IGSF21: variants seen among roughly 807,000 people sequenced by gnomAD.
The protein encoded by IGSF21 is immunoglobulin superfamily member 21.
In IGSF21, 28 loss-of-function variants were observed where a neutral mutation model predicts 46.8. The ratio of observed to expected loss-of-function variants is 0.60; its 90% confidence interval spans 0.44 to 0.82. The LOEUF (loss-of-function observed/expected upper bound fraction) is 0.82, where lower values mean the gene tolerates loss of function less well. IGSF21 is among the 40% of genes least tolerant of loss of function. The probability of loss-of-function intolerance (pLI) is 0.00; values close to 1 mark genes in which losing one functional copy is unlikely to be tolerated. For synonymous variants in IGSF21, 284 were observed against 273.6 expected (o/e 1.04, Z -0.38); for missense variants, 624 against 665.5 (o/e 0.94, Z 0.69).
intron 2 of IGSF21, among the ~76,000 whole-genome samples, chr1:18,254,546 T>C (rs768964548): frequency 6.6e-6 from 1 of 152,194 alleles, no homozygotes; most frequent in Non-Finnish European, 1.5e-5. Flanking sequence ...AACTTGTCCC[T>C]GGGCCCTGGT....
rs111721151 is a variant in IGSF21 at position 18,225,062 on chromosome 1, A to ATCTCTCTC, written c.71-2819_71-2812dup. ...CCTGGATGACAGAGTGAGACTCTGTATCTCTCTCTCTCTCTCTCTCTCTCA... is the reference window on the plus strand; with the variant it reads ...CCTGGATGACAGAGTGAGACTCTGTATCTCTCTCTCTCTCTCTCTCTCTCTCTCTCTCA... On this transcript the variant is annotated intron_variant, in intron 1 of 9. Transcript: ENST00000251296. Among the ~76,000 whole-genome samples, 20 of 63,806 alleles carry ATCTCTCTC rather than the reference A, an allele frequency of 3.1e-4. 2 individuals are homozygous for ATCTCTCTC. The highest frequency in any genetic ancestry group is 9.4e-4 in the African/African-American group (16 of 16,958). The allele number at this position is 63,806 out of a possible 152,430, so 41.9% of individuals were successfully genotyped here.
intron 1 of IGSF21, among the ~76,000 whole-genome samples, chr1:18,141,944 C>A (rs1318855409): frequency 6.6e-6 from 1 of 152,034 alleles, no homozygotes; most frequent in Non-Finnish European, 1.5e-5. Context: ...GTGGTGCATG[C>A]CTGTGGTCCC....
intron 2 of IGSF21, among the ~76,000 whole-genome samples, chr1:18,263,653 C>T (rs1188140291): frequency 2.6e-5 from 4 of 152,208 alleles, no homozygotes; most frequent in Non-Finnish European, 4.4e-5. Flanking sequence ...GAGCAACCTT[C>T]TCTGGCAGCA....
intron 1 of IGSF21, among the ~76,000 whole-genome samples, chr1:18,211,026 C>A (rs370428132): frequency 1.3e-5 from 2 of 152,158 alleles, no homozygotes; most frequent in Admixed American, 1.3e-4. Context: ...TGTGCACCAA[C>A]ACACCCAGCT....
At position 18,322,853 on chromosome 1, in the gene IGSF21, G is replaced by A. The variant is rs1418835015; in HGVS notation, c.306-12039G>A. ...AAAGAGGCCTGGAGAGGAAGCCGGT[G>A]GAGAAGAGCGGGAGATGTCGGAATG... On this transcript the variant is annotated intron_variant, in intron 3 of 9. Transcript: ENST00000251296. This position sits in a 1 kb window ranked among gnomAD's most constrained non-coding sequence, Gnocchi z 4.3. 6.6e-6 allele frequency among the ~76,000 whole-genome samples: 1 copy of A among 152,222 alleles called. No individual in the cohort carries two copies. Among genetic ancestry groups the A allele is most frequent in the Non-Finnish European group, 1.5e-5 (1 of 68,052 alleles).
chr1:18,236,666 A>G (rs1218724107), intron 2 of IGSF21, among the ~76,000 whole-genome samples: 1 of 152,228 alleles, frequency 6.6e-6, no homozygotes, highest in Non-Finnish European at 1.5e-5. Flanking sequence ...TTAGAGATAG[A>G]AAAGTAGACC....
intron 1 of IGSF21, among the ~76,000 whole-genome samples, chr1:18,180,114 C>T (rs116250397): frequency 0.014 from 2,116 of 152,280 alleles, 27 homozygotes; most frequent in Non-Finnish European, 0.023. Context: ...TTTTCCCCTC[C>T]TTAATTTTCT....
intron 8 of IGSF21, 134 bp downstream of exon 8, chr1:18,377,126 T>C: frequency 1.1e-6 from 1 of 931,728 alleles, no homozygotes; most frequent in Non-Finnish European, 1.6e-6. Context: ...CCTGAGAGGG[T>C]GCCCCACTGG....
At chr1:18,187,166 G>C (rs1440417389) in intron 1 of IGSF21, among the ~76,000 whole-genome samples, 1 of 151,922 alleles carries the variant, frequency 6.6e-6, no homozygotes, top group Non-Finnish European at 1.5e-5. Flanking sequence ...CTCTCTTCTT[G>C]GCTTGCAGAT....
At chr1:18,223,888 G>C (rs978651872) in intron 1 of IGSF21, among the ~76,000 whole-genome samples, 1 of 152,164 alleles carries the variant, frequency 6.6e-6, no homozygotes, top group Non-Finnish European at 1.5e-5. Flanking sequence ...AGCTTCCTGC[G>C]GGGATGAGAA....
intron 1 of IGSF21, chr1:18,113,816 C>T (rs754155446): frequency 2.6e-5 from 4 of 152,060 alleles, no homozygotes; most frequent in Non-Finnish European, 4.4e-5. Context: ...ACCTATCTCC[C>T]AGTGTACTGA....
At chr1:18,243,287 C>T (rs1352528843) in intron 2 of IGSF21, among the ~76,000 whole-genome samples, 1 of 152,156 alleles carries the variant, frequency 6.6e-6, no homozygotes, top group African/African-American at 2.4e-5. Context: ...TAGTCTTCTC[C>T]ACCTCAGCGA....
intron 4 of IGSF21, among the ~76,000 whole-genome samples, chr1:18,356,271 C>T (rs2086017044): frequency 6.6e-6 from 1 of 152,194 alleles, no homozygotes; most frequent in African/African-American, 2.4e-5. Context: ...AGTGTGTTTA[C>T]TCACCCACCC....
intron 1 of IGSF21, among the ~76,000 whole-genome samples, chr1:18,211,153 T>C (rs1250495761): frequency 2.6e-5 from 4 of 152,226 alleles, no homozygotes; most frequent in Non-Finnish European, 5.9e-5. Context: ...ATTACAGGCA[T>C]GAGCCACTGT....
chr1:18,313,901 A>C (rs1192051764), intron 3 of IGSF21, among the ~76,000 whole-genome samples: 1 of 152,152 alleles, frequency 6.6e-6, no homozygotes, highest in Non-Finnish European at 1.5e-5. Flanking sequence ...GAAAACTTGG[A>C]AACAGTTTTG....
intron 3 of IGSF21, among the ~76,000 whole-genome samples, chr1:18,315,547 T>TGATGGATGGATG (rs34398523): frequency 0.085 from 12,754 of 149,252 alleles, 1,022 homozygotes; most frequent in African/African-American, 0.21. Flanking sequence ...AGTGGATGGA[T>TGATGGATGGATG]GATGGATGGA....
intron 1 of IGSF21, among the ~76,000 whole-genome samples, chr1:18,134,806 C>T (rs1027593996): frequency 1.4e-4 from 22 of 152,218 alleles, no homozygotes; most frequent in African/African-American, 5.1e-4. Flanking sequence ...GGCTCCTCCC[C>T]GACTCAACCT....
chr1:18,163,161 T>C (rs1476676804), intron 1 of IGSF21, among the ~76,000 whole-genome samples: 1 of 152,162 alleles, frequency 6.6e-6, no homozygotes, highest in African/African-American at 2.4e-5. Flanking sequence ...ACAAATCTGC[T>C]TCACTTCTGT....
At chr1:18,127,260 C>A (rs2086281997) in intron 1 of IGSF21, among the ~76,000 whole-genome samples, 1 of 152,144 alleles carries the variant, frequency 6.6e-6, no homozygotes, top group Admixed American at 6.5e-5. Flanking sequence ...AGATACATAA[C>A]CTACCTCTGG....
Sources: allele counts gnomAD v4.1 joint callset (sites outside exome capture counted in the v4.1 genomes callset), GRCh38; gene constraint gnomAD v4.1.1; non-coding constraint Gnocchi (gnomAD v3.1); transcripts MANE v1.5; gene names NCBI Gene and HGNC (gene_info 2026-07-23, HGNC 2026-07-21).